The following LTBP1 variants were observed in gnomAD, a reference collection of about 807,000 sequenced individuals.
LTBP1 encodes latent transforming growth factor beta binding protein 1.
In LTBP1, 129 loss-of-function variants were observed where a neutral mutation model predicts 207.6. The observed-to-expected ratio is 0.62, with a 90% confidence interval of 0.54 to 0.72. The LOEUF is 0.72. LTBP1 is among the 30% of genes least tolerant of loss of function. The pLI, the probability that LTBP1 is intolerant of heterozygous loss-of-function variation, is 0.00. For synonymous variants in LTBP1, 963 were observed against 833.7 expected (o/e 1.16, Z -2.67); for missense variants, 2,281 against 2,217.2 (o/e 1.03, Z -0.58).
intron 2 of LTBP1, among the ~76,000 whole-genome samples, chr2:32,986,355 G>T (rs1683565941): frequency 6.6e-6 from 1 of 152,202 alleles, no homozygotes; most frequent in Non-Finnish European, 1.5e-5. Flanking sequence ...CTTAGAGGCA[G>T]TGGTGTGCAG....
chr2:33,124,579 C>T (rs901724868), intron 4 of LTBP1, among the ~76,000 whole-genome samples: 2 of 152,122 alleles, frequency 1.3e-5, no homozygotes, highest in African/African-American at 4.8e-5. Flanking sequence ...ATTCTAGAGT[C>T]TTTAATAATA....
chr2:33,329,603 C>G (rs1172180677), intron 24 of LTBP1, among the ~76,000 whole-genome samples: 3 of 151,978 alleles, frequency 2.0e-5, no homozygotes, highest in Non-Finnish European at 4.4e-5. Flanking sequence ...TCTTCATTTC[C>G]TAAATGGACA....
intron 2 of LTBP1, among the ~76,000 whole-genome samples, chr2:32,959,198 C>T (rs1317758607): frequency 6.6e-6 from 1 of 152,030 alleles, no homozygotes; most frequent in Non-Finnish European, 1.5e-5. Flanking sequence ...TGAATTTGGT[C>T]AGTGGATGGG....
chr2:33,363,909 A>G (rs116189694), intron 29 of LTBP1, among the ~76,000 whole-genome samples: 1,993 of 152,334 alleles, frequency 0.013, 38 homozygotes, highest in African/African-American at 0.046. Flanking sequence ...AAACATAGCA[A>G]AAGGAAATAA....
intron 24 of LTBP1, among the ~76,000 whole-genome samples, chr2:33,338,416 G>A (rs1320620047): frequency 6.6e-6 from 1 of 152,274 alleles, no homozygotes; most frequent in Middle Eastern, 3.4e-3. Flanking sequence ...TCAGGAATCT[G>A]GACTGAAAAG....
chr2:32,965,705 T>C (rs1679896689), intron 2 of LTBP1, among the ~76,000 whole-genome samples: 1 of 152,248 alleles, frequency 6.6e-6, no homozygotes, highest in South Asian at 2.1e-4. Flanking sequence ...GGATGTACCA[T>C]AGTTTATTTA....
chr2:33,234,958 C>T (rs1489522171), intron 9 of LTBP1, among the ~76,000 whole-genome samples: 7 of 152,106 alleles, frequency 4.6e-5, no homozygotes, highest in Non-Finnish European at 8.8e-5. Context: ...TAGAAGAAAA[C>T]ATAGGCAATA....
chr2:33,326,380 G>A (rs2094427120), intron 24 of LTBP1, among the ~76,000 whole-genome samples: 1 of 152,048 alleles, frequency 6.6e-6, no homozygotes, highest in Non-Finnish European at 1.5e-5. Context: ...AGCTTTGTGA[G>A]CTCCCTCAAT....
At chr2:32,968,322 A>G (rs1037361997) in intron 2 of LTBP1, among the ~76,000 whole-genome samples, 1 of 152,164 alleles carries the variant, frequency 6.6e-6, no homozygotes, top group African/African-American at 2.4e-5. Flanking sequence ...CGTACACATT[A>G]AGGATTGGTT....
At chr2:33,223,979 G>A (rs144194363) in intron 9 of LTBP1, among the ~76,000 whole-genome samples, 10 of 152,262 alleles carry the variant, frequency 6.6e-5, no homozygotes, top group African/African-American at 1.4e-4. Context: ...ACTCGGTGTC[G>A]AGGGGCTAAA....
Position 32,961,512 on chromosome 2 carries a change from T to C in LTBP1, c.565+12567T>C, listed in dbSNP as rs115793405. ...AGGATGTGTTAAAGTGGAAGTTAAA[T>C]ATTTTTGGAACATTTGTATGCTCTT... is the stretch of plus-strand genomic sequence containing the variant. On this transcript the variant is annotated intron_variant, in intron 2 of 33. Coordinates refer to ENST00000404816, the MANE Select transcript of LTBP1 (RefSeq NM_206943.4). Among the ~76,000 whole-genome samples the C allele has an allele frequency of 3.6e-3, 551 of 152,264 alleles. 2 individuals are homozygous for C. Among genetic ancestry groups the C allele is most frequent in the African/African-American group, 0.013 (524 of 41,540 alleles).
chr2:33,054,806 G>A (rs1053182809), intron 3 of LTBP1, among the ~76,000 whole-genome samples: 71 of 152,178 alleles, frequency 4.7e-4, no homozygotes, highest in Non-Finnish European at 2.9e-4. Flanking sequence ...ACATGAGCCG[G>A]TGTTTGCCCC....
chr2:33,058,617 A>G (rs987528266), intron 3 of LTBP1, among the ~76,000 whole-genome samples: 3 of 152,238 alleles, frequency 2.0e-5, no homozygotes, highest in Admixed American at 6.5e-5. Context: ...TTTGTGTATT[A>G]TCTTACATTT....
chr2:33,166,906 A>G (rs1426551094), intron 5 of LTBP1, among the ~76,000 whole-genome samples: 1 of 152,062 alleles, frequency 6.6e-6, no homozygotes. Flanking sequence ...TGCAGTAGAA[A>G]CTCCAAAATT....
At chr2:33,284,900 T>C (rs545557780) in intron 19 of LTBP1, among the ~76,000 whole-genome samples, 44 of 152,290 alleles carry the variant, frequency 2.9e-4, no homozygotes, top group African/African-American at 9.9e-4. Context: ...AGTAGGCATC[T>C]GACATATGGT....
chr2:33,381,808 A>G (rs2095217776), intron 31 of LTBP1, among the ~76,000 whole-genome samples: 1 of 152,164 alleles, frequency 6.6e-6, no homozygotes, highest in Non-Finnish European at 1.5e-5. Context: ...AGTAGAAAGA[A>G]CATGGTTTGG....
chr2:33,049,842 T>C (rs970260715), intron 3 of LTBP1, among the ~76,000 whole-genome samples: 2 of 150,828 alleles, frequency 1.3e-5, no homozygotes, highest in Non-Finnish European at 3.0e-5. Flanking sequence ...TTTTTTTTTC[T>C]TTTTTTTTGT....
chr2:33,043,635 A>C (rs947352440), intron 3 of LTBP1, among the ~76,000 whole-genome samples: 1 of 152,148 alleles, frequency 6.6e-6, no homozygotes, highest in Admixed American at 6.5e-5. Flanking sequence ...GAGGAGAGGA[A>C]ATCTGTAAGC....
At chr2:32,974,849 TTTTAACTGAGACG>T in intron 2 of LTBP1, among the ~76,000 whole-genome samples, 2 of 152,356 alleles carry the variant, frequency 1.3e-5, no homozygotes, top group East Asian at 3.9e-4. Context: ...ACTCTGTGCC[TTTTAACTGAGACG>T]TTTAACCCAT....
Sources: allele counts gnomAD v4.1 joint callset (sites outside exome capture counted in the v4.1 genomes callset), GRCh38; gene constraint gnomAD v4.1.1; transcripts MANE v1.5; gene names NCBI Gene and HGNC (gene_info 2026-07-23, HGNC 2026-07-21).